The following AIM2 variants were observed in gnomAD, a reference collection of about 807,000 sequenced individuals.
The protein encoded by AIM2 is absent in melanoma 2, also known as interferon-inducible protein AIM2.
A neutral mutation model predicts 27.7 loss-of-function variants in AIM2; 30 were observed. The observed-to-expected ratio is 1.08, with a 90% CI of 0.81 to 1.47. The LOEUF (loss-of-function observed/expected upper bound fraction) is 1.47. AIM2 is among the 40% of genes most tolerant of loss of function. The pLI is 0.00. For missense variants in AIM2, 358 were observed against 411.3 expected (o/e 0.87, Z 1.12); for synonymous variants, 141 against 145.3 (o/e 0.97, Z 0.21).
At chr1:159,080,236 A>G (rs182007181), upstream of AIM2, among the ~76,000 whole-genome samples, 2 of 152,330 alleles carry the variant, frequency 1.3e-5, no homozygotes. Context: ...ATATAATAAG[A>G]GTATGTTTAG....
At chr1:159,057,863 A>G (rs1196572645), downstream of AIM2, among the ~76,000 whole-genome samples, 1 of 152,248 alleles carries the variant, frequency 6.6e-6, no homozygotes, top group Non-Finnish European at 1.5e-5. Context: ...TTATTTGCAT[A>G]AAGTGCAAGA....
intron 1 of AIM2, among the ~76,000 whole-genome samples, chr1:159,122,913 G>C (rs942520106): frequency 6.6e-6 from 1 of 152,124 alleles, no homozygotes; most frequent in Non-Finnish European, 1.5e-5. Flanking sequence ...CAGTTGTGTT[G>C]AGCCCTGTTT....
intron 1 of AIM2, among the ~76,000 whole-genome samples, chr1:159,096,345 C>G (rs576538037): frequency 6.6e-6 from 1 of 151,840 alleles, no homozygotes. Context: ...AATATAATGC[C>G]TATCTTGCAG....
rs528411529 is a variant in AIM2 at position 159,091,384 on chromosome 1, G to A, written c.-15-25055C>T. Among the ~76,000 whole-genome samples the A allele has an allele frequency of 2.4e-4, 37 of 152,302 alleles. 1 individual carries two copies. The South Asian group carries it at 6.0e-3, about 25-fold the overall frequency. The stretch of plus-strand genomic sequence containing the variant: ...TCCACAATGACATGCTTGTCACGAC[G>A]TGCTTTGGCAGGTTCTGCCTTTCCC... On this transcript the variant is annotated intron_variant, in intron 1 of 2. Coordinates refer to the AIM2 transcript ENST00000368129.
chr1:159,077,156 A>G (rs1656640222), upstream of AIM2, among the ~76,000 whole-genome samples: 1 of 152,260 alleles, frequency 6.6e-6, no homozygotes, highest in Non-Finnish European at 1.5e-5. Context: ...GCGAAAGTAT[A>G]GACATTTTAT....
intron 1 of AIM2, among the ~76,000 whole-genome samples, chr1:159,134,357 A>C (rs1333611340): frequency 6.6e-6 from 1 of 152,150 alleles, no homozygotes; most frequent in African/African-American, 2.4e-5. Context: ...AATCTTTCCA[A>C]AATGCAAATC....
intron 1 of AIM2, among the ~76,000 whole-genome samples, chr1:159,115,727 C>A (rs1647321029): frequency 6.6e-6 from 1 of 152,116 alleles, no homozygotes; most frequent in Non-Finnish European, 1.5e-5. Flanking sequence ...ACCATAAAAA[C>A]CCTAGAAGAA....
At chr1:159,073,086 C>T in intron 2 of AIM2, 152 bp downstream of exon 2, 1 of 930,390 alleles carries the variant, frequency 1.1e-6, no homozygotes, top group Non-Finnish European at 1.6e-6. Flanking sequence ...AGAAGCGATT[C>T]TCAGTAAAAG....
chr1:159,088,787 G>A (rs1656980907), intron 1 of AIM2, among the ~76,000 whole-genome samples: 1 of 152,098 alleles, frequency 6.6e-6, no homozygotes, highest in African/African-American at 2.4e-5. Flanking sequence ...TCCATGTGAT[G>A]CTCTCTGCTG....
chr1:159,100,232 A>G (rs571909440), intron 1 of AIM2, among the ~76,000 whole-genome samples: 120 of 152,312 alleles, frequency 7.9e-4, no homozygotes, highest in African/African-American at 2.8e-3. Flanking sequence ...TTCACCTATA[A>G]AACACTTTCT....
intron 2 of AIM2, among the ~76,000 whole-genome samples, chr1:159,069,106 C>G (rs570145471): frequency 4.0e-5 from 6 of 151,330 alleles, no homozygotes; most frequent in Admixed American, 2.6e-4. Context: ...CACCACTGCA[C>G]TCCAGCTTGG....
intron 2 of AIM2, among the ~76,000 whole-genome samples, chr1:159,069,617 A>G (rs1231933728): frequency 9.3e-5 from 14 of 150,904 alleles, no homozygotes. Context: ...ATCTTGGCTC[A>G]CTGCAACCTC....
Position 159,108,575 on chromosome 1 carries a change from T to C in AIM2, c.-16+31856A>G, listed in dbSNP as rs191311029. ...AGACAAGAGAAAGAAATAAAGGTCATCTAAATCAGAAAAGAAGAAGTCAAA... is the reference window on the plus strand; with the variant it reads ...AGACAAGAGAAAGAAATAAAGGTCACCTAAATCAGAAAAGAAGAAGTCAAA... On this transcript the variant is annotated intron_variant, in intron 1 of 2. Transcript: ENST00000368129. Among the ~76,000 whole-genome samples, 7 of 152,258 alleles carry C rather than the reference T, an allele frequency of 4.6e-5. No individual in the cohort carries two copies. In the East Asian group the frequency reaches 1.2e-3, roughly 25 times the overall value.
At chr1:159,089,898 C>G (rs1657007842) in intron 1 of AIM2, among the ~76,000 whole-genome samples, 1 of 152,164 alleles carries the variant, frequency 6.6e-6, no homozygotes, top group African/African-American at 2.4e-5. Flanking sequence ...ACCAGACAAC[C>G]AAAGTGCCTA....
At chr1:159,131,175 G>A (rs863024) in intron 1 of AIM2, among the ~76,000 whole-genome samples, 2 of 152,146 alleles carry the variant, frequency 1.3e-5, no homozygotes, top group South Asian at 2.1e-4. Context: ...AACCATGCCT[G>A]TCTTATTCCC....
chr1:159,108,781 C>T (rs569945761), intron 1 of AIM2, among the ~76,000 whole-genome samples: 2 of 152,184 alleles, frequency 1.3e-5, no homozygotes, highest in South Asian at 4.1e-4. Context: ...AAGAATGCAA[C>T]CCCCTTTACA....
chr1:159,127,762 T>C lies in AIM2; in HGVS notation c.-16+12669A>G, dbSNP rs529445685. Among the ~76,000 whole-genome samples the C allele has an allele frequency of 2.6e-5, 4 of 152,282 alleles. No homozygotes were observed. In the East Asian group the frequency reaches 7.7e-4, roughly 29 times the overall value. ...CCCTCACCACACACTGTATCTGCCTTGACCTTGGACTTCCCAAGGCTGGAT... is the reference window on the plus strand; with the variant it reads ...CCCTCACCACACACTGTATCTGCCTCGACCTTGGACTTCCCAAGGCTGGAT... On this transcript the variant is annotated intron_variant, in intron 1 of 2. Transcript: ENST00000368129.
At chr1:159,145,076 T>A (rs1362183132), upstream of AIM2, among the ~76,000 whole-genome samples, 1 of 152,144 alleles carries the variant, frequency 6.6e-6, no homozygotes, top group East Asian at 1.9e-4. Flanking sequence ...TGCTATCAGC[T>A]CCCTCTTACT....
downstream of AIM2, among the ~76,000 whole-genome samples, chr1:159,061,186 T>A (rs556007307): frequency 6.6e-6 from 1 of 152,356 alleles, no homozygotes; most frequent in African/African-American, 2.4e-5. Context: ...GGGTAATCTA[T>A]TTTAATTTAA....
Sources: allele counts gnomAD v4.1 joint callset (sites outside exome capture counted in the v4.1 genomes callset), GRCh38; gene constraint gnomAD v4.1.1; transcripts MANE v1.5; gene names NCBI Gene and HGNC (gene_info 2026-07-23, HGNC 2026-07-21).